Variants in RREB1 observed in about 807,000 individuals in gnomAD.
RREB1 encodes the protein ras responsive element binding protein 1, also known as ras-responsive element-binding protein 1.
RREB1 carries 27 observed loss-of-function variants against 117.8 expected under a neutral mutation model. The observed-to-expected ratio is 0.23, with a 90% CI of 0.17 to 0.32. RREB1 has a LOEUF of 0.32. Among genes scored for constraint, RREB1 ranks in the 10% least tolerant of loss-of-function variants. The pLI is 1.00. For missense variants in RREB1, 2,577 were observed against 2,378.2 expected (o/e 1.08, Z -1.74); for synonymous variants, 1,298 against 1,026.7 (o/e 1.26, Z -5.05).
intron 8 of RREB1, chr6:7,218,244 T>G (rs1229389441): frequency 6.6e-6 from 1 of 152,074 alleles, no homozygotes; most frequent in Non-Finnish European, 1.5e-5. Flanking sequence ...TGTGAGGAGG[T>G]CAGATATCTG....
In RREB1 at chr6:7,230,778, G is replaced by C. The variant is rs878865243; in HGVS notation, c.2679G>C (p.Ala893=). ...AGTTGGAGCCCGCCAGTAGCTTTGC[G>C]GTGGACTTCAATGAGCCCCTGGACT... is the stretch of plus-strand genomic sequence containing the variant. The part of the protein sequence containing the change: ...SIKLEPASSF[A]VDFNEPLDFS... Residue 893 remains alanine (A), a synonymous_variant, in exon 10 of 13, where the codon GCG becomes GCC. Transcript: ENST00000379938. The C allele has an allele frequency of 6.2e-7, 1 of 1,613,192 alleles. No individual in the cohort carries two copies. Among genetic ancestry groups the C allele is most frequent in the African/African-American group, 1.3e-5 (1 of 74,916 alleles).
rs550255740 is a variant in RREB1 at position 7,138,367 on chromosome 6, T to C, written c.-285+30307T>C. Among the ~76,000 whole-genome samples, 8 of 152,322 alleles carry C rather than the reference T, an allele frequency of 5.3e-5. No individual in the cohort carries two copies. In the East Asian group the frequency reaches 1.5e-3, roughly 29 times the overall value. ...CAGAATAGGGAGGAAACTGTTACGT[T>C]GAACATTTTGAAGTTTCATTCTGAA... On this transcript the variant is annotated intron_variant, in intron 1 of 12. Coordinates refer to ENST00000379938, the MANE Select transcript of RREB1 (RefSeq NM_001003699.4).
Position 7,231,374 on chromosome 6 carries a change from C to G in RREB1, c.3275C>G (p.Ala1092Gly). 1 of 1,613,552 alleles carries G rather than the reference C, an allele frequency of 6.2e-7. No individual in the cohort carries two copies. The highest frequency in any genetic ancestry group is 8.5e-7 in the Non-Finnish European group (1 of 1,179,886). The change falls in exon 10 of 13, where the codon GCA becomes GGA. Residue 1092 changes from alanine (A) to glycine (G), a missense_variant. Physicochemically the swap from Ala to Gly is moderately conservative, Grantham distance 60 (BLOSUM62 0). Transcript: ENST00000379938. ...LKTKVADPGP[A>G]STGSNTTASD... Reference sequence around the variant, plus strand: ...ACCAAGGTGGCGGACCCAGGGCCCGCAAGCACTGGCAGTAACACCACGGCT... The same window carrying G: ...ACCAAGGTGGCGGACCCAGGGCCCGGAAGCACTGGCAGTAACACCACGGCT...
chr6:7,123,426 T>C (rs1038753429), intron 1 of RREB1, among the ~76,000 whole-genome samples: 2 of 151,788 alleles, frequency 1.3e-5, no homozygotes, highest in Non-Finnish European at 2.9e-5. Context: ...CCTCCCGAAG[T>C]GCTAGGATTA....
intron 3 of RREB1, 98 bp from the exon 4 acceptor site, chr6:7,181,772 G>T: frequency 2.4e-6 from 2 of 843,182 alleles, no homozygotes; most frequent in South Asian, 2.8e-5. Context: ...GGATGTTTTT[G>T]ACCTGAATTA....
At chr6:7,222,123 C>T (rs528381106) in intron 8 of RREB1, among the ~76,000 whole-genome samples, 2 of 152,318 alleles carry the variant, frequency 1.3e-5, no homozygotes, top group East Asian at 3.9e-4. Context: ...GGAGTTCTAA[C>T]ATTCTAACAG....
At chr6:7,140,987 G>A (rs1186689449) in intron 1 of RREB1, among the ~76,000 whole-genome samples, 2 of 152,210 alleles carry the variant, frequency 1.3e-5, no homozygotes, top group Non-Finnish European at 2.9e-5. Context: ...TGTGCCTCGG[G>A]AACACGGTCT....
Position 7,217,963 on chromosome 6 carries a change from AAG to A in RREB1, c.707+6256_707+6257del, listed in dbSNP as rs1310436310. On this transcript the variant is annotated intron_variant, in intron 8 of 12. Coordinates refer to ENST00000379938, the MANE Select transcript of RREB1 (RefSeq NM_001003699.4). Reference sequence around the variant, plus strand: ...TTTTTATCTAGTTTTCGCTTTTGTAAAGATTGGGAAATGGAGTGGCTCTTTAA... The same window carrying A: ...TTTTTATCTAGTTTTCGCTTTTGTAAATTGGGAAATGGAGTGGCTCTTTAA... 2.6e-5 allele frequency: 4 copies of A among 152,270 alleles called. No individual in the cohort carries two copies. The East Asian group carries it at 7.7e-4, about 29-fold the overall frequency. The allele number at this position is 152,270 out of a possible 1,614,324, so 9.4% of individuals were successfully genotyped here.
intron 1 of RREB1, among the ~76,000 whole-genome samples, chr6:7,161,104 TA>T (rs2113462874): frequency 6.6e-6 from 1 of 152,296 alleles, no homozygotes; most frequent in South Asian, 2.1e-4. Flanking sequence ...GTGCTGGGAT[TA>T]CAGGTGTGAG....
In RREB1 at chr6:7,229,757, C is replaced by T. The variant is rs766901239; in HGVS notation, c.1658C>T (p.Ser553Leu). ...PPPPLKLLKG[S>L]VEAASNAHLL... is the part of the protein sequence containing the mutation. ...CCGCCCCTGAAGCTCCTCAAAGGCT[C>T]AGTGGAGGCGGCCTCCAACGCCCAC... Residue 553 changes from serine to leucine, a missense_variant, in exon 10 of 13, where the codon TCA becomes TTA. By Grantham distance (145) the Ser-to-Leu change is moderately radical. Coordinates refer to ENST00000379938, the MANE Select transcript of RREB1 (RefSeq NM_001003699.4). The surrounding 1 kb of genome is among the most constrained non-coding windows in gnomAD (Gnocchi z 4.5). 2 of 1,605,240 alleles carry T rather than the reference C, an allele frequency of 1.2e-6. No individual in the cohort carries two copies. Among genetic ancestry groups the T allele is most frequent in the Non-Finnish European group, 1.7e-6 (2 of 1,174,334 alleles).
At chr6:7,167,696 A>G (rs1764018685) in intron 1 of RREB1, among the ~76,000 whole-genome samples, 1 of 152,218 alleles carries the variant, frequency 6.6e-6, no homozygotes, top group African/African-American at 2.4e-5. Flanking sequence ...TGGCAATCCA[A>G]TAGGGGAAGC....
At chr6:7,240,732 A>T in intron 11 of RREB1, 130 bp downstream of exon 11, 1 of 757,990 alleles carries the variant, frequency 1.3e-6, no homozygotes, top group Non-Finnish European at 2.0e-6. Flanking sequence ...CAGAGCCCAC[A>T]GCCTGTTAAT....
intron 1 of RREB1, among the ~76,000 whole-genome samples, chr6:7,123,627 T>TC (rs1761776456): frequency 6.6e-6 from 1 of 150,502 alleles, no homozygotes; most frequent in African/African-American, 2.4e-5. Flanking sequence ...TTTTTTTTTT[T>TC]TGAGATGGAG....
At chr6:7,202,168 GCTTCTTGC>G (rs770437589) in intron 6 of RREB1, among the ~76,000 whole-genome samples, 8 of 152,036 alleles carry the variant, frequency 5.3e-5, no homozygotes, top group Non-Finnish European at 1.0e-4. Context: ...TCACTACGCT[GCTTCTTGC>G]ACTCGCCCAC....
chr6:7,226,996 T>A (rs1767621378), intron 9 of RREB1, among the ~76,000 whole-genome samples: 1 of 152,204 alleles, frequency 6.6e-6, no homozygotes, highest in African/African-American at 2.4e-5. Context: ...ACGCCAGCAC[T>A]TTGTGAGGCC....
Position 7,230,390 on chromosome 6 carries a change from A to G in RREB1, c.2291A>G (p.His764Arg), listed in dbSNP as rs199747696. 7 of 1,592,238 alleles carry G rather than the reference A, an allele frequency of 4.4e-6. No individual in the cohort carries two copies. The Admixed American group carries it at 1.0e-4, about 23-fold the overall frequency. ...CGGCTGTGCGGCGAGGACCTCAAGC[A>G]CTATCGTGCCCTGCGCATCCACATG... ...VCRLCGEDLK[H>R]YRALRIHMRT... Residue 764 changes from histidine to arginine, a missense_variant, in exon 10 of 13, where the codon CAC becomes CGC. By Grantham distance (29) the His-to-Arg change is conservative (BLOSUM62 0). Transcript: ENST00000379938.
intron 11 of RREB1, among the ~76,000 whole-genome samples, chr6:7,243,255 G>T (rs2113179681): frequency 6.6e-6 from 1 of 152,338 alleles, no homozygotes; most frequent in South Asian, 2.1e-4. Flanking sequence ...CACAGTGGTT[G>T]AGGCTCATTT....
chr6:7,125,687 A>G (rs1185037096), intron 1 of RREB1, among the ~76,000 whole-genome samples: 1 of 152,142 alleles, frequency 6.6e-6, no homozygotes, highest in Non-Finnish European at 1.5e-5. Flanking sequence ...TTGCCTCAGA[A>G]CTGGTATTGG....
In RREB1 at chr6:7,248,794, C is replaced by T; in HGVS notation, c.5055C>T (p.Ser1685=). Residue 1685 remains serine (S), a synonymous_variant, in exon 13 of 13, where the codon AGC becomes AGT. Coordinates refer to ENST00000379938, the MANE Select transcript of RREB1 (RefSeq NM_001003699.4). The part of the protein sequence containing the change: ...EGLASATKDC[S]HREEKVTAGW... ...TGGCCAGTGCCACCAAGGACTGCAG[C>T]CACAGGGAGGAGAAGGTCACGGCAG... The T allele has an allele frequency of 6.2e-7, 1 of 1,614,002 alleles. No individual in the cohort carries two copies. Among genetic ancestry groups the T allele is most frequent in the Non-Finnish European group, 8.5e-7 (1 of 1,179,980 alleles).
Sources: gnomAD v4.1 joint callset for allele counts (sites outside exome capture counted in the v4.1 genomes callset) on GRCh38, gnomAD v4.1.1 for gene constraint, Gnocchi (gnomAD v3.1) non-coding constraint, MANE v1.5 for transcripts, NCBI Gene and HGNC (gene_info 2026-07-23, HGNC 2026-07-21) for gene names.